The following CASQ2 variants were observed in gnomAD, a reference collection of about 807,000 sequenced individuals.
CASQ2 encodes the protein calsequestrin 2.
CASQ2 carries 49 observed loss-of-function variants against 46.5 expected under a neutral mutation model. The ratio of observed to expected loss-of-function variants is 1.05; its 90% CI spans 0.84 to 1.34. The LOEUF is 1.34. CASQ2 is among the 40% of genes most tolerant of loss of function. The probability of loss-of-function intolerance (pLI) is 0.00; values close to 1 mark genes in which losing one functional copy is unlikely to be tolerated. For synonymous variants in CASQ2, 174 were observed against 168.5 expected, an observed-to-expected ratio of 1.03 and a Z score of -0.25; for missense variants, 486 against 481.3, an observed-to-expected ratio of 1.01 and a Z score of -0.09.
In CASQ2 at chr1:115,703,532, C is replaced by T. The variant is rs542806370; in HGVS notation, c.940-537G>A. 5.3e-5 allele frequency among the ~76,000 whole-genome samples: 8 copies of T among 152,038 alleles called. No homozygotes were observed. The South Asian group carries it at 6.2e-4, about 12-fold the overall frequency. On this transcript the variant is annotated intron_variant, in intron 9 of 10. Coordinates refer to ENST00000261448, the MANE Select transcript of CASQ2 (RefSeq NM_001232.4). The stretch of plus-strand genomic sequence containing the variant: ...ATGTCCAGTGGTAGGAAATCTCCCA[C>T]GCAAATATATGGCCTAGTGGGGACT...
intron 1 of CASQ2, among the ~76,000 whole-genome samples, chr1:115,764,165 G>A (rs2101125501): frequency 6.6e-6 from 1 of 152,066 alleles, no homozygotes; most frequent in South Asian, 2.1e-4. Flanking sequence ...TCAAAGAAAT[G>A]TTCATTAAAA....
intron 5 of CASQ2, among the ~76,000 whole-genome samples, chr1:115,732,416 A>G (rs1191828823): frequency 6.6e-6 from 1 of 152,190 alleles, no homozygotes; most frequent in Non-Finnish European, 1.5e-5. Context: ...ACTGAATGCA[A>G]TCTCATCCCA....
At chr1:115,739,264 T>C (rs544449479) in intron 3 of CASQ2, among the ~76,000 whole-genome samples, 68 of 151,378 alleles carry the variant, frequency 4.5e-4, no homozygotes, top group Non-Finnish European at 7.5e-4. Context: ...CCCACCACCA[T>C]GCCCAGCTAA....
At chr1:115,745,628 T>C (rs1025611000) in intron 1 of CASQ2, among the ~76,000 whole-genome samples, 1 of 152,168 alleles carries the variant, frequency 6.6e-6, no homozygotes, top group Non-Finnish European at 1.5e-5. Flanking sequence ...TATGAGCAAG[T>C]AGGCAATACT....
At chr1:115,715,709 A>T (rs1249421584) in intron 8 of CASQ2, among the ~76,000 whole-genome samples, 1 of 152,234 alleles carries the variant, frequency 6.6e-6, no homozygotes, top group African/African-American at 2.4e-5. Context: ...TCTTGATTTT[A>T]TAAATTATAT....
chr1:115,721,489 C>T (rs537414682), intron 7 of CASQ2, among the ~76,000 whole-genome samples: 1 of 152,182 alleles, frequency 6.6e-6, no homozygotes, highest in African/African-American at 2.4e-5. Context: ...TTGTTTTAGT[C>T]CTAGCTGGCT....
At position 115,719,129 on chromosome 1, in the gene CASQ2, A is replaced by G. The variant is rs1002794195; in HGVS notation, c.784-1235T>C. 4.0e-4 allele frequency among the ~76,000 whole-genome samples: 61 copies of G among 152,360 alleles called. 1 individual carries two copies. Among genetic ancestry groups the G allele is most frequent in the African/African-American group, 1.5e-3 (61 of 41,586 alleles). On this transcript the variant is annotated intron_variant, in intron 7 of 10. Transcript: ENST00000261448. Reference sequence around the variant, plus strand: ...TTTCCTTTGAGTTTGGAATGGACAAAGCCTCCACAAATTCTAAGAAAGATT... The same window carrying G: ...TTTCCTTTGAGTTTGGAATGGACAAGGCCTCCACAAATTCTAAGAAAGATT...
Position 115,761,113 on chromosome 1 carries a change from T to A in CASQ2, c.234+7195A>T, listed in dbSNP as rs538118374. ...TGACTTACTCAGGATAGTGGGTAAA[T>A]AGAAGAGAAGTTCAGGTGCTCGGCT... is the stretch of plus-strand genomic sequence containing the variant. On this transcript the variant is annotated intron_variant, in intron 1 of 10. Transcript: ENST00000261448. Among the ~76,000 whole-genome samples, 12 of 151,898 alleles carry A rather than the reference T, an allele frequency of 7.9e-5. No individual in the cohort carries two copies. In the South Asian group the frequency reaches 2.5e-3, roughly 32 times the overall value.
Position 115,701,306 on chromosome 1 carries a change from C to A in CASQ2, c.1135G>T (p.Asp379Tyr), listed in dbSNP as rs1245820161. Reference sequence around the variant, plus strand: ...TCATCAGAATTATCATCATCATCATCATCTTCATCATCATCTTCAGTGTTT... The same window carrying A: ...TCATCAGAATTATCATCATCATCATAATCTTCATCATCATCTTCAGTGTTT... The part of the protein sequence containing the change: ...KINTEDDDED[D>Y]DDDDNSDEED... The change falls in exon 11 of 11, where the codon GAT (aspartate) becomes TAT (tyrosine). Residue 379 changes from aspartate to tyrosine, a missense_variant. Asp to Tyr is a radical substitution (Grantham distance 160). Coordinates refer to ENST00000261448, the MANE Select transcript of CASQ2 (RefSeq NM_001232.4). 1.3e-6 allele frequency: 2 copies of A among 1,599,126 alleles called. No individual in the cohort carries two copies. The highest frequency in any genetic ancestry group is 1.7e-6 in the Non-Finnish European group (2 of 1,166,578).
intron 1 of CASQ2, among the ~76,000 whole-genome samples, chr1:115,763,960 G>A (rs1649043343): frequency 6.6e-6 from 1 of 152,086 alleles, no homozygotes; most frequent in Non-Finnish European, 1.5e-5. Flanking sequence ...AATGCTAATG[G>A]AAGTTGGCCA....
At chr1:115,715,011 T>C (rs1285809438) in intron 8 of CASQ2, among the ~76,000 whole-genome samples, 6 of 152,252 alleles carry the variant, frequency 3.9e-5, no homozygotes, top group Non-Finnish European at 8.8e-5. Flanking sequence ...CTCTTTGTTC[T>C]ATTGTTCCAA....
intron 7 of CASQ2, among the ~76,000 whole-genome samples, chr1:115,720,476 A>T (rs781603288): frequency 3.3e-5 from 5 of 152,174 alleles, no homozygotes; most frequent in Non-Finnish European, 7.3e-5. Context: ...ATGGGTACAC[A>T]AACATTCAGA....
At chr1:115,705,624 C>G (rs867915884) in intron 8 of CASQ2, among the ~76,000 whole-genome samples, 5 of 152,194 alleles carry the variant, frequency 3.3e-5, no homozygotes, top group South Asian at 2.1e-4. Context: ...CCTTACTGAT[C>G]CTGTGCGATC....
intron 3 of CASQ2, among the ~76,000 whole-genome samples, chr1:115,739,582 A>G (rs571681634): frequency 6.6e-6 from 1 of 152,352 alleles, no homozygotes; most frequent in Non-Finnish European, 1.5e-5. Flanking sequence ...GGGCAATGGG[A>G]AGCCAAATTT....
At chr1:115,710,993 G>A (rs1654527855) in intron 8 of CASQ2, among the ~76,000 whole-genome samples, 1 of 152,236 alleles carries the variant, frequency 6.6e-6, no homozygotes, top group African/African-American at 2.4e-5. Flanking sequence ...GCCAGGCACA[G>A]CCAAGTCAGG....
chr1:115,743,792 G>A (rs1332239583), intron 2 of CASQ2, among the ~76,000 whole-genome samples: 1 of 149,582 alleles, frequency 6.7e-6, no homozygotes, highest in East Asian at 2.0e-4. Context: ...ATTCTTCACT[G>A]GTCATGCAGA....
intron 1 of CASQ2, among the ~76,000 whole-genome samples, chr1:115,756,060 C>T (rs1648749837): frequency 6.6e-6 from 1 of 152,152 alleles, no homozygotes; most frequent in Admixed American, 6.5e-5. Context: ...TATCCGAGGC[C>T]AGAGTAATTG....
At position 115,713,270 on chromosome 1, in the gene CASQ2, G is replaced by C. The variant is rs763924724; in HGVS notation, c.838+4570C>G. Reference sequence around the variant, plus strand: ...TCATTCATTTTCAAACCTGTCAGACGAGCGGCTCTGGCGGGCACTTTGAGC... The same window carrying C: ...TCATTCATTTTCAAACCTGTCAGACCAGCGGCTCTGGCGGGCACTTTGAGC... On this transcript the variant is annotated intron_variant, in intron 8 of 10. Coordinates refer to ENST00000261448, the MANE Select transcript of CASQ2 (RefSeq NM_001232.4). Among the ~76,000 whole-genome samples, 6 of 152,190 alleles carry C rather than the reference G, an allele frequency of 3.9e-5. No individual in the cohort carries two copies. The South Asian group carries it at 1.2e-3, about 32-fold the overall frequency.
chr1:115,753,183 C>T (rs907650690), intron 1 of CASQ2, among the ~76,000 whole-genome samples: 4 of 151,982 alleles, frequency 2.6e-5, no homozygotes, highest in Non-Finnish European at 5.9e-5. Context: ...ATCTAGGGCT[C>T]GGGGGAGAGG....
Sources: gnomAD v4.1 joint callset for allele counts (sites outside exome capture counted in the v4.1 genomes callset) on GRCh38, gnomAD v4.1.1 for gene constraint, MANE v1.5 for transcripts, NCBI Gene and HGNC (gene_info 2026-07-23, HGNC 2026-07-21) for gene names.